OSBPL5: variants seen among roughly 807,000 people sequenced by gnomAD.
OSBPL5 encodes the protein oxysterol-binding protein-related protein 5.
A neutral mutation model predicts 111.2 loss-of-function variants in OSBPL5; 71 were observed. That is an observed-to-expected ratio of 0.64 (90% CI 0.53 to 0.78). The LOEUF is 0.78. Among genes scored for constraint, OSBPL5 ranks in the 30% least tolerant of loss-of-function variants. The pLI, the probability that OSBPL5 is intolerant of heterozygous loss-of-function variation, is 0.00. For synonymous variants in OSBPL5, 549 were observed against 513.9 expected (o/e 1.07, Z -0.93); for missense variants, 1,210 against 1,189.3 (o/e 1.02, Z -0.26).
chr11:3,122,455 ACAGGGCACAGGGGCCGGCC>A (rs1421639813), intron 3 of OSBPL5, 27 bp from the exon 4 acceptor site: 3 of 1,607,516 alleles, frequency 1.9e-6, no homozygotes, highest in Non-Finnish European at 2.6e-6. Flanking sequence ...GGTATGCGGG[ACAGGGCACAGGGGCCGGCC>A]CAGGGCTAGG....
intron 14 of OSBPL5, among the ~76,000 whole-genome samples, chr11:3,095,910 T>G (rs910175872): frequency 3.3e-5 from 5 of 152,144 alleles, no homozygotes; most frequent in Non-Finnish European, 7.3e-5. Flanking sequence ...ACAGGCCCTG[T>G]GCACCCTGCT....
chr11:3,094,533 GGGTGCGGAGCCTGGGA>G (rs145966219), intron 14 of OSBPL5, 199 bp from the exon 15 acceptor site: 174,616 of 538,204 alleles, frequency 0.32, 34,919 homozygotes, highest in East Asian at 0.77. Context: ...AGGCTGGTGG[GGGTGCGGAGCCTGGGA>G]GGTGCGGAGC....
At chr11:3,148,275 C>T (rs539635665) in intron 1 of OSBPL5, among the ~76,000 whole-genome samples, 4 of 152,346 alleles carry the variant, frequency 2.6e-5, no homozygotes, top group East Asian at 1.9e-4. Context: ...TGAGGGGCAT[C>T]GGGGTGGGAT....
intron 7 of OSBPL5, among the ~76,000 whole-genome samples, chr11:3,112,878 T>C (rs931480227): frequency 9.2e-5 from 14 of 152,338 alleles, no homozygotes; most frequent in Admixed American, 2.0e-4. Flanking sequence ...TCCCTTAATA[T>C]GCAAATTTAA....
intron 1 of OSBPL5, chr11:3,164,561 C>T (rs1488876279): frequency 1.3e-5 from 2 of 152,532 alleles, no homozygotes; most frequent in Non-Finnish European, 2.9e-5. Context: ...TGCACAAGAC[C>T]CTCTTGAGGA....
intron 1 of OSBPL5, among the ~76,000 whole-genome samples, chr11:3,157,598 G>T (rs79292975): frequency 6.6e-6 from 1 of 152,108 alleles, no homozygotes; most frequent in African/African-American, 2.4e-5. Context: ...GCAGGTGGGC[G>T]CCACAAGGCC....
In OSBPL5 at chr11:3,093,535, C is replaced by T; in HGVS notation, c.1938G>A (p.Glu646=). Residue 646 remains glutamate (E), a synonymous_variant, in exon 17 of 22, where the codon GAG becomes GAA. Transcript: ENST00000263650. The part of the protein sequence containing the change: ...TVPLEEQTEL[E]SERLWQHVTR... Reference sequence around the variant, plus strand: ...GCGCTGACAGGCCTCACCTCTCGGACTCCAGCTCCGTCTGCTCCTCCAGCG... The same window carrying T: ...GCGCTGACAGGCCTCACCTCTCGGATTCCAGCTCCGTCTGCTCCTCCAGCG... 2 of 1,609,324 alleles carry T rather than the reference C, an allele frequency of 1.2e-6. No homozygotes were observed. The highest frequency in any genetic ancestry group is 1.7e-6 in the Non-Finnish European group (2 of 1,179,850).
intron 12 of OSBPL5, 78 bp downstream of exon 12, chr11:3,102,105 C>T: frequency 6.9e-7 from 1 of 1,452,386 alleles, no homozygotes; most frequent in Non-Finnish European, 9.4e-7. Context: ...CCCCTGCCTG[C>T]TGCCAGGGCC....
intron 1 of OSBPL5, among the ~76,000 whole-genome samples, chr11:3,133,698 C>T (rs1845873001): frequency 6.6e-6 from 1 of 152,248 alleles, no homozygotes; most frequent in Non-Finnish European, 1.5e-5. Flanking sequence ...GGTGCTGCGT[C>T]CATCTCCAGC....
intron 10 of OSBPL5, among the ~76,000 whole-genome samples, 192 bp from the exon 11 acceptor site, chr11:3,103,512 T>C (rs1857528384): frequency 6.6e-6 from 1 of 152,208 alleles, no homozygotes; most frequent in African/African-American, 2.4e-5. Flanking sequence ...AATCAGAAAG[T>C]GCCAGGGCTG....
rs1365901326 is a variant in OSBPL5 at position 3,129,065 on chromosome 11, G to T, written c.84C>A (p.Leu28=). The change falls in exon 2 of 22, where the codon CTC becomes CTA. Residue 28 remains leucine (L), a synonymous_variant. Coordinates refer to ENST00000263650, the MANE Select transcript of OSBPL5 (RefSeq NM_020896.4). The part of the protein sequence containing the change: ...STPQKVDPRK[L]TRNLLLSGDN... ...CTCCGCTGAGGAGCAAGTTCCGGGTGAGCTTCCGGGGGTCGACTTTCTGAG... is the reference window on the plus strand; with the variant it reads ...CTCCGCTGAGGAGCAAGTTCCGGGTTAGCTTCCGGGGGTCGACTTTCTGAG... 1.3e-5 allele frequency: 20 copies of T among 1,584,004 alleles called. No homozygotes were observed. Among genetic ancestry groups the T allele is most frequent in the Non-Finnish European group, 1.6e-5 (19 of 1,166,194 alleles).
chr11:3,107,515 T>C lies in OSBPL5; in HGVS notation c.867-60A>G. 1 of 1,570,670 alleles carries C rather than the reference T, an allele frequency of 6.4e-7. No homozygotes were observed. Among genetic ancestry groups the C allele is most frequent in the South Asian group, 1.1e-5 (1 of 88,894 alleles). ...CAGGTGAGAGCCCAGCACAGCCCTC[T>C]GGGCTGCCCACCCCTCGCTGCTCCG... On this transcript the variant is annotated intron_variant, in intron 8 of 21. Transcript: ENST00000263650. This position sits in a 1 kb window ranked among gnomAD's most constrained non-coding sequence, Gnocchi z 6.1.
At chr11:3,117,801 T>C (rs988016526) in intron 7 of OSBPL5, among the ~76,000 whole-genome samples, 5 of 152,356 alleles carry the variant, frequency 3.3e-5, no homozygotes, top group Admixed American at 2.0e-4. Context: ...CTGTGCTTTC[T>C]TAAAGCCCTG....
intron 1 of OSBPL5, among the ~76,000 whole-genome samples, chr11:3,149,297 C>A (rs1019736124): frequency 6.6e-6 from 1 of 152,238 alleles, no homozygotes; most frequent in African/African-American, 2.4e-5. Context: ...TCTGTTCCTA[C>A]AGGCATGGGC....
chr11:3,101,920 C>A (rs1857472463), intron 12 of OSBPL5, among the ~76,000 whole-genome samples: 1 of 152,174 alleles, frequency 6.6e-6, no homozygotes, highest in Non-Finnish European at 1.5e-5. Flanking sequence ...CCCAGAAGTC[C>A]CCATCGGGAG....
rs183781428 is a variant in OSBPL5, at chr11:3,132,031, A to T, written c.-21-2862T>A. Among the ~76,000 whole-genome samples, 103 of 121,174 alleles carry T rather than the reference A, an allele frequency of 8.5e-4. 4 individuals carry two copies. The East Asian group carries it at 0.028, about 33-fold the overall frequency. The allele number at this position is 121,174 out of a possible 152,430, so 79.5% of individuals were successfully genotyped here. A position where few individuals can be genotyped will look rare whatever the true frequency, so the allele number is the denominator to read the frequency against. ...CAGGCATCCATCCATCCATCCATCC[A>T]TCCATCCATCCATCCATCCATTCAC... On this transcript the variant is annotated intron_variant, in intron 1 of 21. Transcript: ENST00000263650.
Position 3,090,434 on chromosome 11 carries a change from G to A in OSBPL5, c.2398+124C>T, listed in dbSNP as rs1857016929. ...TGGGGGGCCCCTCAGGGCAGCAGAGGAGCTTTTGCTGGGAGGTTGCCCTAC... is the reference window on the plus strand; with the variant it reads ...TGGGGGGCCCCTCAGGGCAGCAGAGAAGCTTTTGCTGGGAGGTTGCCCTAC... On this transcript the variant is annotated intron_variant, in intron 20 of 21. Transcript: ENST00000263650. 3 of 1,365,786 alleles carry A rather than the reference G, an allele frequency of 2.2e-6. No individual in the cohort carries two copies. In the South Asian group the frequency reaches 4.1e-5, roughly 19 times the overall value. 84.6% of individuals were successfully genotyped at this position (1,365,786 alleles called of 1,614,324 possible).
intron 1 of OSBPL5, among the ~76,000 whole-genome samples, chr11:3,143,660 G>A (rs1846225374): frequency 6.6e-6 from 1 of 152,234 alleles, no homozygotes; most frequent in Non-Finnish European, 1.5e-5. Flanking sequence ...GGGCAGGTCT[G>A]GACACGGAAC....
At chr11:3,100,317 AC>A in intron 13 of OSBPL5, 61 bp from the exon 14 acceptor site, 1 of 1,467,268 alleles carries the variant, frequency 6.8e-7, no homozygotes, top group South Asian at 1.2e-5. Context: ...ATCTGAGGCC[AC>A]CCCTAAGTCA....
Sources: allele counts gnomAD v4.1 joint callset (sites outside exome capture counted in the v4.1 genomes callset), GRCh38; gene constraint gnomAD v4.1.1; non-coding constraint Gnocchi (gnomAD v3.1); transcripts MANE v1.5; gene names NCBI Gene and HGNC (gene_info 2026-07-23, HGNC 2026-07-21).